ZFR: variants seen among roughly 807,000 people sequenced by gnomAD.
ZFR encodes zinc finger RNA binding protein.
A neutral mutation model predicts 130.7 loss-of-function variants in ZFR; 19 were observed. The ratio of observed to expected loss-of-function variants is 0.15; its 90% CI spans 0.10 to 0.21. The LOEUF is 0.21. Ranked by LOEUF, ZFR falls within the 10% of genes least tolerant of loss-of-function variation. The pLI, the probability that ZFR is intolerant of heterozygous loss-of-function variation, is 1.00. For missense variants in ZFR, 872 were observed against 1,321.5 expected (o/e 0.66, Z 5.27); for synonymous variants, 466 against 456.9 (o/e 1.02, Z -0.25).
intron 5 of ZFR, among the ~76,000 whole-genome samples, chr5:32,411,645 C>T (rs1389124586): frequency 7.5e-6 from 1 of 134,100 alleles, no homozygotes; most frequent in South Asian, 2.3e-4. Context: ...GTCGAGATTG[C>T]GCCACTGCAC....
chr5:32,430,547 AT>A (rs1185275782), intron 2 of ZFR, among the ~76,000 whole-genome samples: 1 of 152,180 alleles, frequency 6.6e-6, no homozygotes, highest in Non-Finnish European at 1.5e-5. Context: ...TAGAAAAAAA[AT>A]GTCAAGAGAT....
intron 2 of ZFR, among the ~76,000 whole-genome samples, chr5:32,433,871 A>G (rs1457950311): frequency 6.6e-6 from 1 of 152,164 alleles, no homozygotes; most frequent in Non-Finnish European, 1.5e-5. Context: ...GCTTGAATCC[A>G]GGAGCTTGAG....
In ZFR at chr5:32,444,718, C is replaced by T; in HGVS notation, c.-60G>A. On this transcript the variant is annotated 5_prime_UTR_variant, in exon 1 of 20. Coordinates refer to ENST00000265069, the MANE Select transcript of ZFR (RefSeq NM_016107.5). Reference sequence around the variant, plus strand: ...CACCCGCTGCCTCCCTCCTCTGCCCCGCTCCTCCTCAGCGGAGAACAGACC... The same window carrying T: ...CACCCGCTGCCTCCCTCCTCTGCCCTGCTCCTCCTCAGCGGAGAACAGACC... 6.7e-7 allele frequency: 1 copy of T among 1,495,638 alleles called. No individual in the cohort carries two copies. The highest frequency in any genetic ancestry group is 1.5e-5 in the African/African-American group (1 of 68,550). 92.6% of individuals were successfully genotyped at this position (1,495,638 alleles called of 1,614,324 possible).
chr5:32,365,128 G>A (rs561774163), intron 17 of ZFR, among the ~76,000 whole-genome samples: 2 of 152,242 alleles, frequency 1.3e-5, no homozygotes, highest in East Asian at 3.9e-4. Flanking sequence ...CTCTCACTTA[G>A]CATAATATTT....
At chr5:32,427,340 G>A (rs780955431) in intron 2 of ZFR, among the ~76,000 whole-genome samples, 71 of 139,530 alleles carry the variant, frequency 5.1e-4, no homozygotes, top group Non-Finnish European at 8.5e-4. Context: ...GGCCGTGATC[G>A]TGCCAGTCTG....
At chr5:32,395,019 G>C in intron 11 of ZFR, 140 bp downstream of exon 11, 1 of 1,198,198 alleles carries the variant, frequency 8.3e-7, no homozygotes. Context: ...GTCTTTCCTA[G>C]ACCTAGGATC....
At chr5:32,442,432 ATTT>A (rs1215110931) in intron 2 of ZFR, among the ~76,000 whole-genome samples, 1 of 152,220 alleles carries the variant, frequency 6.6e-6, no homozygotes, top group East Asian at 1.9e-4. Context: ...AAGCTGTTGA[ATTT>A]TTTAAAAGTC....
At chr5:32,370,507 G>A (rs1752647637) in intron 17 of ZFR, among the ~76,000 whole-genome samples, 1 of 151,814 alleles carries the variant, frequency 6.6e-6, no homozygotes, top group Non-Finnish European at 1.5e-5. Flanking sequence ...TGAGTAGCTG[G>A]GACTACAGGT....
At chr5:32,424,439 G>A (rs554183774) in intron 2 of ZFR, among the ~76,000 whole-genome samples, 1 of 151,824 alleles carries the variant, frequency 6.6e-6, no homozygotes, top group Non-Finnish European at 1.5e-5. Flanking sequence ...GTTGAGTCAG[G>A]AGAATGGCGT....
chr5:32,435,349 T>C (rs747858838), intron 2 of ZFR, among the ~76,000 whole-genome samples: 4 of 152,270 alleles, frequency 2.6e-5, no homozygotes, highest in East Asian at 1.9e-4. Context: ...CAGTTTTTAC[T>C]GTCAAGCTTT....
intron 2 of ZFR, among the ~76,000 whole-genome samples, chr5:32,436,935 T>A (rs573728530): frequency 6.6e-6 from 1 of 152,326 alleles, no homozygotes; most frequent in East Asian, 1.9e-4. Flanking sequence ...AGTTTTCCTA[T>A]GAGGCAAAGA....
chr5:32,358,052 C>T (rs1752349126), intron 19 of ZFR, among the ~76,000 whole-genome samples: 1 of 152,114 alleles, frequency 6.6e-6, no homozygotes, highest in Non-Finnish European at 1.5e-5. Flanking sequence ...CTTGTATTTC[C>T]AATTCCAAAT....
At chr5:32,428,576 AAAAC>A (rs529821401) in intron 2 of ZFR, among the ~76,000 whole-genome samples, 123 of 152,316 alleles carry the variant, frequency 8.1e-4, no homozygotes, top group African/African-American at 2.8e-3. Context: ...ACTCTGTCTA[AAAAC>A]AAACAATTAT....
At chr5:32,378,822 T>C (rs80281461) in intron 17 of ZFR, among the ~76,000 whole-genome samples, 2,532 of 151,964 alleles carry the variant, frequency 0.017, 36 homozygotes, top group Non-Finnish European at 0.026. Context: ...CTTTATACAT[T>C]TGTATATTAT....
intron 12 of ZFR, 84 bp from the exon 13 acceptor site, chr5:32,388,758 G>A (rs1218764716): frequency 3.6e-5 from 44 of 1,210,314 alleles, no homozygotes; most frequent in Non-Finnish European, 4.0e-5. Context: ...CATATTTGTT[G>A]TATCTTTTCA....
At position 32,414,952 on chromosome 5, in the gene ZFR, C is replaced by T. The variant is rs745719716; in HGVS notation, c.784+17G>A. ...CCTAATTTGTTTACTCATTTAAACA[C>T]AGTTTATCAGTCTTACCAGAATATG... On this transcript the variant is annotated intron_variant, in intron 5 of 19. Transcript: ENST00000265069. 3 of 1,598,130 alleles carry T rather than the reference C, an allele frequency of 1.9e-6. No individual in the cohort carries two copies. The South Asian group carries it at 3.4e-5, about 18-fold the overall frequency.
intron 2 of ZFR, among the ~76,000 whole-genome samples, chr5:32,433,784 A>C (rs1318245901): frequency 6.6e-6 from 1 of 152,224 alleles, no homozygotes; most frequent in Non-Finnish European, 1.5e-5. Context: ...AAACTTCACA[A>C]AAGATGAAAG....
intron 2 of ZFR, among the ~76,000 whole-genome samples, chr5:32,436,924 C>CAA (rs1386963292): frequency 6.6e-6 from 1 of 152,172 alleles, no homozygotes; most frequent in Non-Finnish European, 1.5e-5. Flanking sequence ...CTTACATGTG[C>CAA]AGTTTTCCTA....
chr5:32,412,893 A>G (rs1166784971), intron 5 of ZFR, among the ~76,000 whole-genome samples: 3 of 152,150 alleles, frequency 2.0e-5, no homozygotes, highest in Non-Finnish European at 4.4e-5. Flanking sequence ...TGGAGAATTA[A>G]AATTTTCTGG....
Sources: gnomAD v4.1 joint callset for allele counts (sites outside exome capture counted in the v4.1 genomes callset) on GRCh38, gnomAD v4.1.1 for gene constraint, MANE v1.5 for transcripts, NCBI Gene and HGNC (gene_info 2026-07-23, HGNC 2026-07-21) for gene names.